Variants in GRM7 observed in about 807,000 individuals in gnomAD.
GRM7 encodes metabotropic glutamate receptor 7.
A neutral mutation model predicts 84.5 loss-of-function variants in GRM7; 35 were observed. The observed-to-expected ratio is 0.41, with a 90% confidence interval of 0.32 to 0.55. The LOEUF (loss-of-function observed/expected upper bound fraction) is 0.55, where lower values mean the gene tolerates loss of function less well. Among genes scored for constraint, GRM7 ranks in the 20% least tolerant of loss-of-function variants. The pLI is 0.19. For missense variants in GRM7, 1,003 were observed against 1,194.6 expected (o/e 0.84, Z 2.36); for synonymous variants, 487 against 455.1 (o/e 1.07, Z -0.89).
chr3:7,285,640 C>G (rs890497548), intron 2 of GRM7, among the ~76,000 whole-genome samples: 1 of 151,974 alleles, frequency 6.6e-6, no homozygotes, highest in East Asian at 1.9e-4. Flanking sequence ...TCTTCTATTC[C>G]TTGAGGGCCA....
intron 1 of GRM7, among the ~76,000 whole-genome samples, chr3:6,900,609 T>A (rs967549589): frequency 1.3e-5 from 2 of 152,168 alleles, no homozygotes; most frequent in African/African-American, 4.8e-5. Flanking sequence ...AGATTTGAAA[T>A]GCGATGATAT....
chr3:7,176,933 A>G (rs978975490), intron 2 of GRM7, among the ~76,000 whole-genome samples: 1 of 152,248 alleles, frequency 6.6e-6, no homozygotes, highest in African/African-American at 2.4e-5. Flanking sequence ...GTTAACCTTC[A>G]TGTGAAGCGG....
rs1295019247 is a variant in GRM7, at chr3:7,276,498, CT to C, written c.737-22183del. On this transcript the variant is annotated intron_variant, in intron 2 of 9. Coordinates refer to ENST00000357716, the MANE Select transcript of GRM7 (RefSeq NM_000844.4). Reference sequence around the variant, plus strand: ...AAATTAGGAATTATTCTTCAGTTTACTTTCATTTCTAGCCTAGGATTTAGTA... The same window carrying C: ...AAATTAGGAATTATTCTTCAGTTTACTTCATTTCTAGCCTAGGATTTAGTA... 3.9e-5 allele frequency among the ~76,000 whole-genome samples: 6 copies of C among 151,966 alleles called. No homozygotes were observed. The South Asian group carries it at 6.2e-4, about 16-fold the overall frequency.
intron 2 of GRM7, among the ~76,000 whole-genome samples, chr3:7,288,787 A>C (rs1178433184): frequency 6.6e-6 from 1 of 152,144 alleles, no homozygotes; most frequent in Non-Finnish European, 1.5e-5. Context: ...TAAGAAATGT[A>C]CACACCAGTT....
chr3:7,361,929 A>C (rs1194830860), intron 4 of GRM7, among the ~76,000 whole-genome samples: 1 of 152,098 alleles, frequency 6.6e-6, no homozygotes, highest in Non-Finnish European at 1.5e-5. Context: ...GGAACCATAG[A>C]ACTGGAGGCT....
At chr3:7,655,488 A>G (rs184166412) in intron 8 of GRM7, among the ~76,000 whole-genome samples, 1 of 152,224 alleles carries the variant, frequency 6.6e-6, no homozygotes, top group Non-Finnish European at 1.5e-5. Flanking sequence ...CCTTTTCCCA[A>G]TAAGGTCACT....
chr3:7,436,005 C>G (rs996129757), intron 5 of GRM7, among the ~76,000 whole-genome samples: 1 of 151,174 alleles, frequency 6.6e-6, no homozygotes, highest in Admixed American at 6.6e-5. Context: ...CCCAGCCATG[C>G]CCGACTAATT....
intron 9 of GRM7, among the ~76,000 whole-genome samples, chr3:7,721,763 A>G (rs1352671276): frequency 6.6e-6 from 1 of 152,234 alleles, no homozygotes; most frequent in African/African-American, 2.4e-5. Flanking sequence ...CAGAGTTGAC[A>G]TGGTTGTATG....
At chr3:7,453,010 T>G (rs901551156) in intron 6 of GRM7, among the ~76,000 whole-genome samples, 9 of 150,186 alleles carry the variant, frequency 6.0e-5, no homozygotes, top group African/African-American at 2.2e-4. Flanking sequence ...TGGTTTGGTC[T>G]CATTTTCTTG....
In GRM7 at chr3:7,189,233, A is replaced by ACACACATATACACATATAT. The variant is rs548799920; in HGVS notation, c.736+42569_736+42587dup. ...TGCATACATATATGCATATGTATAT[A>ACACACATATACACATATAT]CACACATATACACATATATCACGCA... On this transcript the variant is annotated intron_variant, in intron 2 of 9. Transcript: ENST00000357716. Among the ~76,000 whole-genome samples, 4 of 152,320 alleles carry ACACACATATACACATATAT rather than the reference A, an allele frequency of 2.6e-5. No individual in the cohort carries two copies. The South Asian group carries it at 8.3e-4, about 32-fold the overall frequency.
In GRM7 at chr3:6,927,475, A is replaced by AAGAAAGAAAGAT. The variant is rs1210952294; in HGVS notation, c.519+65579_519+65580insTAGAAAGAAAGA. Reference sequence around the variant, plus strand: ...AAAGAAAGAGAGAGAGAAAGAAAGAAAGAAAGAAAGAAAGAAAGAAAGAAA... The same window carrying AAGAAAGAAAGAT: ...AAAGAAAGAGAGAGAGAAAGAAAGAAAGAAAGAAAGATAGAAAGAAAGAAAGAAAGAAAGAAA... On this transcript the variant is annotated intron_variant, in intron 1 of 9. Coordinates refer to ENST00000357716, the MANE Select transcript of GRM7 (RefSeq NM_000844.4). Among the ~76,000 whole-genome samples the AAGAAAGAAAGAT allele has an allele frequency of 5.8e-3, 353 of 61,152 alleles. 4 individuals are homozygous for AAGAAAGAAAGAT. The highest frequency in any genetic ancestry group is 0.032 in the South Asian group (61 of 1,892). 40.1% of individuals were successfully genotyped at this position (61,152 alleles called of 152,430 possible). A position where few individuals can be genotyped will look rare whatever the true frequency, so the allele number is the denominator to read the frequency against.
chr3:7,307,989 A>G (rs1700252503), intron 4 of GRM7, among the ~76,000 whole-genome samples: 1 of 152,118 alleles, frequency 6.6e-6, no homozygotes, highest in African/African-American at 2.4e-5. Flanking sequence ...GGTGGTGGTG[A>G]TATGGTTGGG....
intron 4 of GRM7, among the ~76,000 whole-genome samples, chr3:7,332,457 G>A (rs2125067514): frequency 6.6e-6 from 1 of 152,220 alleles, no homozygotes; most frequent in South Asian, 2.1e-4. Context: ...TTTCCAAGTA[G>A]CATACATACA....
chr3:7,080,704 T>A (rs1330748318), intron 1 of GRM7, among the ~76,000 whole-genome samples: 1 of 150,598 alleles, frequency 6.6e-6, no homozygotes, highest in African/African-American at 2.4e-5. Flanking sequence ...ATATACAAAC[T>A]ACGTATTTAT....
intron 2 of GRM7, among the ~76,000 whole-genome samples, chr3:7,190,902 C>A (rs1005333781): frequency 1.3e-5 from 2 of 152,064 alleles, no homozygotes; most frequent in African/African-American, 4.8e-5. Flanking sequence ...TTTCCAGCAT[C>A]TAAAACCATT....
intron 1 of GRM7, among the ~76,000 whole-genome samples, chr3:6,875,196 G>T (rs1037339300): frequency 6.6e-6 from 1 of 150,808 alleles, no homozygotes; most frequent in Non-Finnish European, 1.5e-5. Context: ...TTTTAAATAG[G>T]ATTATCACAG....
chr3:7,721,477 C>T (rs1292951307), intron 9 of GRM7, among the ~76,000 whole-genome samples: 1 of 152,192 alleles, frequency 6.6e-6, no homozygotes, highest in Admixed American at 6.5e-5. Flanking sequence ...TTTTTGACAG[C>T]ATCAGCTTGG....
chr3:7,106,350 T>C (rs1692640499), intron 1 of GRM7, among the ~76,000 whole-genome samples: 1 of 151,876 alleles, frequency 6.6e-6, no homozygotes. Flanking sequence ...TTTTTTTTCT[T>C]ATTTTCTGGG....
chr3:7,454,265 G>A (rs1183535733), intron 6 of GRM7, among the ~76,000 whole-genome samples: 1 of 152,048 alleles, frequency 6.6e-6, no homozygotes, highest in African/African-American at 2.4e-5. Flanking sequence ...TAAAAGAGGT[G>A]GGTAGAGATA....
Sources: allele counts gnomAD v4.1 joint callset (sites outside exome capture counted in the v4.1 genomes callset), GRCh38; gene constraint gnomAD v4.1.1; transcripts MANE v1.5; gene names NCBI Gene and HGNC (gene_info 2026-07-23, HGNC 2026-07-21).